The following WDR20 variants were observed in gnomAD, a reference collection of about 807,000 sequenced individuals.
The protein encoded by WDR20 is WD repeat domain 20, also known as WD repeat-containing protein 20.
In WDR20, 3 loss-of-function variants were observed where a neutral mutation model predicts 38.7. The ratio of observed to expected loss-of-function variants is 0.08; its 90% CI spans 0.04 to 0.20. The LOEUF is 0.20. WDR20 is among the 10% of genes least tolerant of loss of function. The pLI is 1.00. For synonymous variants in WDR20, 298 were observed against 285.6 expected (o/e 1.04, Z -0.44); for missense variants, 559 against 727.7 (o/e 0.77, Z 2.67).
chr14:102,190,401 A>C (rs1165044962), intron 1 of WDR20, among the ~76,000 whole-genome samples: 1 of 151,782 alleles, frequency 6.6e-6, no homozygotes, highest in Non-Finnish European at 1.5e-5. Flanking sequence ...CTCTACTAAA[A>C]ATACCAAAAA....
At chr14:102,157,041 TGTTTGAGGCCAAGA>T (rs569951805) in intron 1 of WDR20, among the ~76,000 whole-genome samples, 577 of 151,982 alleles carry the variant, frequency 3.8e-3, no homozygotes, top group Non-Finnish European at 6.3e-3. Context: ...GTGGGAGGAT[TGTTTGAGGCCAAGA>T]GTTTGAGGCC....
At chr14:102,215,757 G>C (rs61992530), downstream of WDR20, among the ~76,000 whole-genome samples, 11,774 of 152,216 alleles carry the variant, frequency 0.077, 609 homozygotes, top group Non-Finnish European at 0.12. Flanking sequence ...CACCAGGCCC[G>C]TCGTCGGTGC....
intron 1 of WDR20, among the ~76,000 whole-genome samples, chr14:102,151,167 T>A (rs2055653672): frequency 6.7e-6 from 1 of 149,234 alleles, no homozygotes; most frequent in Non-Finnish European, 1.5e-5. Flanking sequence ...AACCATCCAT[T>A]GGGGAATTTT....
At chr14:102,187,417 G>GA (rs1015901312) in intron 1 of WDR20, among the ~76,000 whole-genome samples, 4 of 152,092 alleles carry the variant, frequency 2.6e-5, no homozygotes, top group African/African-American at 7.2e-5. Context: ...GCTGGGGGGG[G>GA]GCTCAGGAGG....
At chr14:102,194,640 AT>A (rs1392199968) in intron 1 of WDR20, among the ~76,000 whole-genome samples, 11 of 152,212 alleles carry the variant, frequency 7.2e-5, no homozygotes, top group African/African-American at 2.7e-4. Flanking sequence ...TGAATTTAAT[AT>A]CTCAAGGATA....
downstream of WDR20, among the ~76,000 whole-genome samples, chr14:102,210,691 G>A (rs1349343540): frequency 6.6e-6 from 1 of 150,522 alleles, no homozygotes; most frequent in East Asian, 2.0e-4. Flanking sequence ...CTTTGCTTGT[G>A]TGTTTTCCCA....
intron 1 of WDR20, among the ~76,000 whole-genome samples, chr14:102,188,392 C>T (rs1039624876): frequency 6.6e-6 from 1 of 152,198 alleles, no homozygotes; most frequent in Non-Finnish European, 1.5e-5. Flanking sequence ...TCTGTCCACT[C>T]AGCAGCATTC....
chr14:102,219,669 C>T (rs1350897988), downstream of WDR20, among the ~76,000 whole-genome samples: 2 of 152,246 alleles, frequency 1.3e-5, no homozygotes, highest in Admixed American at 6.5e-5. Flanking sequence ...GGGTTTTTCA[C>T]CGGTGGCCAA....
At chr14:102,152,150 A>G (rs2056117409) in intron 1 of WDR20, among the ~76,000 whole-genome samples, 1 of 151,828 alleles carries the variant, frequency 6.6e-6, no homozygotes, top group Admixed American at 6.6e-5. Context: ...TCCTGACCTG[A>G]TATCATCCTC....
chr14:102,180,250 C>T (rs1181570149), intron 1 of WDR20, among the ~76,000 whole-genome samples: 3 of 152,212 alleles, frequency 2.0e-5, no homozygotes, highest in Non-Finnish European at 4.4e-5. Context: ...AATCCTCGAA[C>T]GCTGCCTGTA....
chr14:102,157,191 G>A (rs1370748310), intron 1 of WDR20: 5 of 152,150 alleles, frequency 3.3e-5, no homozygotes, highest in Non-Finnish European at 7.3e-5. Context: ...GAACCCAGGA[G>A]GTTGAGGCTG....
In WDR20 at chr14:102,222,791, G is replaced by T; in HGVS notation, c.1693-39G>T. On this transcript the variant is annotated intron_variant, in intron 3 of 3. Coordinates refer to the WDR20 transcript ENST00000335263. The surrounding 1 kb of genome is among the most constrained non-coding windows in gnomAD (Gnocchi z 4.4). Reference sequence around the variant, plus strand: ...CGCGCATGGTGGCTGTTGCCCGTCCGGTGTTTTGCTGGATTAATGTAGACT... The same window carrying T: ...CGCGCATGGTGGCTGTTGCCCGTCCTGTGTTTTGCTGGATTAATGTAGACT... 2 of 1,613,350 alleles carry T rather than the reference G, an allele frequency of 1.2e-6. No homozygotes were observed. Among genetic ancestry groups the T allele is most frequent in the Non-Finnish European group, 1.7e-6 (2 of 1,179,420 alleles).
At chr14:102,144,727 A>G (rs1323214219) in intron 1 of WDR20, among the ~76,000 whole-genome samples, 1 of 151,252 alleles carries the variant, frequency 6.6e-6, no homozygotes, top group Non-Finnish European at 1.5e-5. Context: ...TTTTTGAGAC[A>G]GAATCTTGCT....
Position 102,222,321 on chromosome 14 carries a change from C to T in WDR20, c.1693-509C>T, listed in dbSNP as rs1343500179. Among the ~76,000 whole-genome samples the T allele has an allele frequency of 3.3e-5, 5 of 152,226 alleles. No homozygotes were observed. The South Asian group carries it at 8.3e-4, about 25-fold the overall frequency. On this transcript the variant is annotated intron_variant, in intron 3 of 3. Transcript: ENST00000335263. This position sits in a 1 kb window ranked among gnomAD's most constrained non-coding sequence, Gnocchi z 4.4. ...GGACAGCTACAGCCAGGGGGTGCCA[C>T]GGTCACACCACCCAACAAAGCAAGA... is the stretch of plus-strand genomic sequence containing the variant.
At chr14:102,143,339 G>A (rs1190583) in intron 1 of WDR20, among the ~76,000 whole-genome samples, 124,587 of 152,008 alleles carry the variant, frequency 0.82, 51,815 homozygotes, top group East Asian at 0.97. Context: ...GAAGTTTAGA[G>A]TGGGGTTTCT....
chr14:102,209,252 G>T lies in WDR20; in HGVS notation c.1082G>T (p.Arg361Leu), dbSNP rs777051177. ...RLSKRNSTDS[R>L]PVSVTYRFGS... ...TCCAAACGGAACTCTACAGACAGCC[G>T]CCCCGTAAGTGTCACGTATCGGTTT... is the stretch of plus-strand genomic sequence containing the variant. Residue 361 changes from arginine to leucine, a missense_variant, in exon 3 of 3, where the codon CGC (arginine) becomes CTC (leucine). Physicochemically the swap from Arg to Leu is moderately radical, Grantham distance 102. Transcript: ENST00000342702. This position sits in a 1 kb window ranked among gnomAD's most constrained non-coding sequence, Gnocchi z 6.0. 1 of 1,614,122 alleles carries T rather than the reference G, an allele frequency of 6.2e-7. No homozygotes were observed. Among genetic ancestry groups the T allele is most frequent in the Admixed American group, 1.7e-5 (1 of 60,018 alleles).
At chr14:102,189,387 C>G (rs2065777187) in intron 1 of WDR20, among the ~76,000 whole-genome samples, 1 of 152,140 alleles carries the variant, frequency 6.6e-6, no homozygotes, top group Non-Finnish European at 1.5e-5. Flanking sequence ...TATGATGAGA[C>G]TGTCAAATTA....
chr14:102,200,594 T>C (rs979827145), intron 2 of WDR20, among the ~76,000 whole-genome samples: 1 of 152,106 alleles, frequency 6.6e-6, no homozygotes, highest in African/African-American at 2.4e-5. Flanking sequence ...ACAGTTCCTA[T>C]ATGGTAATGA....
At chr14:102,215,048 A>G (rs1479195089), downstream of WDR20, 7 of 956,474 alleles carry the variant, frequency 7.3e-6, no homozygotes, top group Non-Finnish European at 8.7e-6. Flanking sequence ...TAAGCTTTAA[A>G]AATCCCAGTG....
Sources: gnomAD v4.1 joint callset for allele counts (sites outside exome capture counted in the v4.1 genomes callset) on GRCh38, gnomAD v4.1.1 for gene constraint, Gnocchi (gnomAD v3.1) non-coding constraint, MANE v1.5 for transcripts, NCBI Gene and HGNC (gene_info 2026-07-23, HGNC 2026-07-21) for gene names.